C2orf42: variants seen among roughly 807,000 people sequenced by gnomAD.
C2orf42 encodes uncharacterized protein C2orf42.
Under a neutral mutation model 58.9 loss-of-function variants are expected in C2orf42, and 44 were observed. The ratio of observed to expected loss-of-function variants is 0.75; its 90% CI spans 0.59 to 0.96. The LOEUF (loss-of-function observed/expected upper bound fraction) is 0.96, where lower values mean the gene tolerates loss of function less well. Ranked by LOEUF, C2orf42 falls within the 40% of genes least tolerant of loss-of-function variation. The pLI is 0.00. For synonymous variants in C2orf42, 239 were observed against 265.4 expected, an observed-to-expected ratio of 0.90 and a Z score of 0.97; for missense variants, 630 against 699.2, an observed-to-expected ratio of 0.90 and a Z score of 1.12.
rs535848603 is a variant in C2orf42 at position 70,167,985 on chromosome 2, C to T, written c.1144+1572G>A. On this transcript the variant is annotated intron_variant, in intron 6 of 9. Transcript: ENST00000264434. ...CGGTGGTTCACGCCTGTAATCCCAG[C>T]ACTTTGGGAGGCCGAGGTAGGTGGA... 2.5e-3 allele frequency among the ~76,000 whole-genome samples: 382 copies of T among 152,014 alleles called. 3 individuals carry two copies. Among genetic ancestry groups the T allele is most frequent in the African/African-American group, 8.8e-3 (367 of 41,482 alleles).
chr2:70,177,975 G>A (rs988258792), intron 4 of C2orf42, among the ~76,000 whole-genome samples: 7 of 152,214 alleles, frequency 4.6e-5, no homozygotes, highest in African/African-American at 1.4e-4. Flanking sequence ...AGGAGGTCCA[G>A]GCTGCAGTGA....
intron 5 of C2orf42, among the ~76,000 whole-genome samples, chr2:70,170,912 G>A (rs7590786): frequency 0.2 from 29,717 of 151,494 alleles, 4,072 homozygotes; most frequent in African/African-American, 0.39. Context: ...TCAGGAGATC[G>A]AGACCATCCT....
intron 4 of C2orf42, 112 bp downstream of exon 4, chr2:70,179,420 T>A (rs955745817): frequency 2.6e-6 from 1 of 378,464 alleles, no homozygotes; most frequent in East Asian, 4.0e-5. Flanking sequence ...TTAATAAAAA[T>A]AAAATAAAAT....
chr2:70,150,418 G>C lies in C2orf42; in HGVS notation c.1663C>G (p.Gln555Glu). Reference protein sequence around the residue: ...RNGHVAEYQDQRPPLDQPLEL... With the variant: ...RNGHVAEYQDERPPLDQPLEL... ...AAGGGCTGGTCCAAGGGGGGCCGCT[G>C]GTCTTGGTACTCCGCCACATGCCCA... The change falls in exon 10 of 10, where the codon CAG becomes GAG. Residue 555 changes from glutamine (Q) to glutamate (E), a missense_variant. By Grantham distance (29) the Gln-to-Glu change is conservative (BLOSUM62 2). Transcript: ENST00000264434. The C allele has an allele frequency of 6.2e-7, 1 of 1,614,134 alleles. No homozygotes were observed. Among genetic ancestry groups the C allele is most frequent in the Non-Finnish European group, 8.5e-7 (1 of 1,180,040 alleles).
intron 4 of C2orf42, among the ~76,000 whole-genome samples, chr2:70,176,059 C>T (rs977799994): frequency 7.2e-5 from 11 of 152,040 alleles, no homozygotes; most frequent in Non-Finnish European, 1.3e-4. Context: ...AACTGTCTTC[C>T]GTTTTCTTCT....
intron 4 of C2orf42, 91 bp from the exon 5 acceptor site, chr2:70,175,868 G>A (rs1365751262): frequency 6.1e-6 from 5 of 824,100 alleles, no homozygotes; most frequent in Non-Finnish European, 8.2e-6. Flanking sequence ...CATATAAACA[G>A]TCTTTGCTAA....
At chr2:70,183,730 A>G (rs1205193427) in intron 1 of C2orf42, among the ~76,000 whole-genome samples, 1 of 30,452 alleles carries the variant, frequency 3.3e-5, no homozygotes, top group Admixed American at 3.3e-4. Flanking sequence ...CCATCTCTTT[A>G]AAAAAAAAAA....
intron 1 of C2orf42, among the ~76,000 whole-genome samples, chr2:70,187,291 C>T (rs1675008315): frequency 6.6e-6 from 1 of 152,148 alleles, no homozygotes; most frequent in South Asian, 2.1e-4. Flanking sequence ...GCTCTTGTTG[C>T]CCAGGCTGGA....
chr2:70,151,353 A>G (rs1672299249), intron 9 of C2orf42, among the ~76,000 whole-genome samples: 1 of 152,114 alleles, frequency 6.6e-6, no homozygotes, highest in Admixed American at 6.6e-5. Flanking sequence ...CAAGAAGGAT[A>G]GGCCAGGGAC....
At chr2:70,161,995 C>T (rs751635890) in intron 8 of C2orf42, among the ~76,000 whole-genome samples, 9 of 151,954 alleles carry the variant, frequency 5.9e-5, no homozygotes, top group African/African-American at 2.2e-4. Context: ...GCACACACCA[C>T]CAGGCCTCAC....
At chr2:70,169,925 A>C (rs1016253030) in intron 5 of C2orf42, among the ~76,000 whole-genome samples, 3 of 151,332 alleles carry the variant, frequency 2.0e-5, no homozygotes, top group Non-Finnish European at 4.4e-5. Flanking sequence ...CACCCGGCTA[A>C]TTGTTGTATT....
At chr2:70,158,620 T>A (rs1672853084) in intron 9 of C2orf42, among the ~76,000 whole-genome samples, 1 of 152,032 alleles carries the variant, frequency 6.6e-6, no homozygotes, top group Admixed American at 6.6e-5. Flanking sequence ...CAGCTAATGT[T>A]TTGCATTTTA....
intron 9 of C2orf42, among the ~76,000 whole-genome samples, chr2:70,154,396 T>C (rs1319827682): frequency 1.8e-5 from 2 of 110,250 alleles, no homozygotes; most frequent in East Asian, 5.6e-4. Flanking sequence ...GACCCCCATC[T>C]CTGTAAGAAA....
intron 9 of C2orf42, among the ~76,000 whole-genome samples, chr2:70,153,259 G>C (rs1470354792): frequency 6.6e-6 from 1 of 151,966 alleles, no homozygotes. Context: ...TTAGATCTGA[G>C]AACTCTGCAT....
intron 8 of C2orf42, among the ~76,000 whole-genome samples, chr2:70,164,055 T>C (rs924883441): frequency 2.0e-5 from 3 of 151,528 alleles, no homozygotes; most frequent in African/African-American, 4.9e-5. Context: ...CTCATGCCTG[T>C]AATCCCAGCA....
chr2:70,183,984 T>A (rs987734164), intron 1 of C2orf42, among the ~76,000 whole-genome samples: 9 of 151,928 alleles, frequency 5.9e-5, no homozygotes, highest in Admixed American at 2.0e-4. Flanking sequence ...TTTTAAAAAA[T>A]TTTTTGGTAG....
chr2:70,185,331 C>T (rs1475686560), intron 1 of C2orf42, among the ~76,000 whole-genome samples: 4 of 151,404 alleles, frequency 2.6e-5, no homozygotes, highest in Admixed American at 6.6e-5. Context: ...TCACTTGAAC[C>T]TGGGAGGCAG....
intron 6 of C2orf42, among the ~76,000 whole-genome samples, 155 bp downstream of exon 6, chr2:70,169,402 T>C (rs1443174813): frequency 2.0e-5 from 3 of 152,182 alleles, no homozygotes; most frequent in African/African-American, 7.2e-5. Context: ...AACTATGTGA[T>C]TGTTTTTTTC....
At chr2:70,177,089 T>C (rs560114103) in intron 4 of C2orf42, among the ~76,000 whole-genome samples, 88 of 151,910 alleles carry the variant, frequency 5.8e-4, no homozygotes, top group African/African-American at 2.1e-3. Context: ...CTGGCCAACA[T>C]GGTGAAACCT....
Sources: gnomAD v4.1 joint callset for allele counts (sites outside exome capture counted in the v4.1 genomes callset) on GRCh38, gnomAD v4.1.1 for gene constraint, MANE v1.5 for transcripts, NCBI Gene and HGNC (gene_info 2026-07-23, HGNC 2026-07-21) for gene names.